PRICKLE2: variants seen among roughly 807,000 people sequenced by gnomAD.
PRICKLE2 encodes the protein prickle planar cell polarity protein 2, also known as prickle-like protein 2.
PRICKLE2 carries 21 observed loss-of-function variants against 81.4 expected under a neutral mutation model. The ratio of observed to expected loss-of-function variants is 0.26; its 90% CI spans 0.18 to 0.37. The LOEUF is 0.37. Ranked by LOEUF, PRICKLE2 falls within the 10% of genes least tolerant of loss-of-function variation. The pLI is 1.00. For missense variants in PRICKLE2, 940 were observed against 1,109.0 expected, an observed-to-expected ratio of 0.85 and a Z score of 2.16; for synonymous variants, 456 against 421.5, an observed-to-expected ratio of 1.08 and a Z score of -1.00.
intron 7 of PRICKLE2, among the ~76,000 whole-genome samples, chr3:64,127,890 G>C (rs368886244): frequency 6.6e-6 from 1 of 152,022 alleles, no homozygotes; most frequent in African/African-American, 2.4e-5. Flanking sequence ...TATCTTGAAC[G>C]TTTTCCCCTA....
intron 7 of PRICKLE2, among the ~76,000 whole-genome samples, chr3:64,126,797 C>G (rs376266993): frequency 1.3e-5 from 2 of 152,168 alleles, no homozygotes; most frequent in East Asian, 3.9e-4. Flanking sequence ...AGACTGGTCT[C>G]GAACTCCTGG....
At chr3:64,105,364 T>C (rs554733446) in intron 7 of PRICKLE2, among the ~76,000 whole-genome samples, 1 of 152,322 alleles carries the variant, frequency 6.6e-6, no homozygotes, top group South Asian at 2.1e-4. Context: ...TTCTCCCTAC[T>C]CTTCACTGTA....
intron 2 of PRICKLE2, among the ~76,000 whole-genome samples, chr3:64,235,208 A>C (rs2079162821): frequency 2.0e-5 from 3 of 152,088 alleles, no homozygotes; most frequent in Non-Finnish European, 2.9e-5. Context: ...TCAACTCAAA[A>C]TTTTCATTTT....
chr3:64,141,793 A>C, intron 7 of PRICKLE2: 10 of 985,270 alleles, frequency 1.0e-5, no homozygotes, highest in Non-Finnish European at 1.2e-5. Context: ...GAAAGATCAC[A>C]CTTCATGCCA....
intron 7 of PRICKLE2, among the ~76,000 whole-genome samples, chr3:64,106,319 C>T (rs764701444): frequency 7.9e-5 from 12 of 152,176 alleles, no homozygotes; most frequent in Non-Finnish European, 1.2e-4. Flanking sequence ...TCCAGCTCAC[C>T]GCTCACTGCC....
intron 2 of PRICKLE2, among the ~76,000 whole-genome samples, chr3:64,241,516 A>C (rs562209419): frequency 6.6e-6 from 1 of 152,300 alleles, no homozygotes; most frequent in East Asian, 1.9e-4. Context: ...ATATTTTAAC[A>C]CCTACCAGCT....
intron 1 of PRICKLE2, among the ~76,000 whole-genome samples, chr3:64,223,259 G>T (rs890966054): frequency 2.6e-5 from 4 of 152,160 alleles, no homozygotes; most frequent in Admixed American, 2.0e-4. Flanking sequence ...CTATGTGGCT[G>T]CCACTGTGCT....
intron 1 of PRICKLE2, among the ~76,000 whole-genome samples, chr3:64,224,599 C>A (rs56074768): frequency 6.6e-6 from 1 of 152,154 alleles, no homozygotes; most frequent in African/African-American, 2.4e-5. Context: ...CTGTTAGCCC[C>A]TTTCCCCATA....
In PRICKLE2 at chr3:64,260,189, C is replaced by G. The variant is rs533834059; in HGVS notation, c.129-61222G>C. Among the ~76,000 whole-genome samples the G allele has an allele frequency of 1.1e-4, 17 of 152,278 alleles. No individual in the cohort carries two copies. In the South Asian group the frequency reaches 3.5e-3, roughly 32 times the overall value. ...CCCAAACTTGACCAGCCTCAGAACT[C>G]TCTTGTGAGGCTCCCCTGGCACATT... On this transcript the variant is annotated intron_variant, in intron 2 of 8. Coordinates refer to the PRICKLE2 transcript ENST00000295902.
chr3:64,141,560 C>T (rs1014208941), intron 7 of PRICKLE2, among the ~76,000 whole-genome samples: 2 of 152,240 alleles, frequency 1.3e-5, no homozygotes, highest in Non-Finnish European at 2.9e-5. Context: ...AAAGTTAAAG[C>T]GCTTCTGCAA....
intron 1 of PRICKLE2, among the ~76,000 whole-genome samples, chr3:64,218,335 CCTGA>C (rs1364371201): frequency 6.6e-6 from 1 of 152,188 alleles, no homozygotes; most frequent in East Asian, 1.9e-4. Flanking sequence ...ATCTCAAGTA[CCTGA>C]AATATTTGTA....
At chr3:64,222,051 T>A (rs1007708427) in intron 1 of PRICKLE2, among the ~76,000 whole-genome samples, 33 of 152,310 alleles carry the variant, frequency 2.2e-4, no homozygotes, top group African/African-American at 7.0e-4. Context: ...TGCCCCCTGT[T>A]GTTCACAGAT....
chr3:64,252,297 C>T (rs2079459186), intron 2 of PRICKLE2, among the ~76,000 whole-genome samples: 3 of 152,154 alleles, frequency 2.0e-5, no homozygotes, highest in African/African-American at 7.2e-5. Context: ...GCTCCTATAC[C>T]AACTCTCCTT....
chr3:64,182,194 G>T (rs927419155), intron 2 of PRICKLE2, among the ~76,000 whole-genome samples: 2 of 152,076 alleles, frequency 1.3e-5, no homozygotes, highest in Admixed American at 6.6e-5. Flanking sequence ...CATAAAGAGG[G>T]CTTGTGGCCA....
intron 7 of PRICKLE2, among the ~76,000 whole-genome samples, chr3:64,108,330 T>C (rs931508440): frequency 7.2e-5 from 11 of 152,172 alleles, no homozygotes; most frequent in Non-Finnish European, 1.3e-4. Flanking sequence ...GTTTGAAGCA[T>C]GTGTGGCGGT....
At chr3:64,168,111 C>G (rs896605305) in intron 2 of PRICKLE2, among the ~76,000 whole-genome samples, 1 of 152,150 alleles carries the variant, frequency 6.6e-6, no homozygotes, top group African/African-American at 2.4e-5. Context: ...CCAGCTCTGG[C>G]AAGAACAAGA....
intron 7 of PRICKLE2, among the ~76,000 whole-genome samples, chr3:64,123,325 C>T (rs984269341): frequency 2.0e-5 from 3 of 152,140 alleles, no homozygotes; most frequent in African/African-American, 4.8e-5. Flanking sequence ...GAACAAGGTA[C>T]AAGTTGAGTA....
intron 7 of PRICKLE2, among the ~76,000 whole-genome samples, chr3:64,143,470 C>A (rs2077395837): frequency 6.6e-6 from 1 of 152,152 alleles, no homozygotes; most frequent in Non-Finnish European, 1.5e-5. Context: ...GAAACCGCGT[C>A]CACTCCCTCC....
intron 2 of PRICKLE2, among the ~76,000 whole-genome samples, chr3:64,187,167 C>T (rs1016850879): frequency 3.3e-5 from 5 of 152,186 alleles, no homozygotes; most frequent in African/African-American, 1.2e-4. Flanking sequence ...TGGCAGAGGC[C>T]CTGAAGCCTG....
Sources: allele counts gnomAD v4.1 joint callset (sites outside exome capture counted in the v4.1 genomes callset), GRCh38; gene constraint gnomAD v4.1.1; transcripts MANE v1.5; gene names NCBI Gene and HGNC (gene_info 2026-07-23, HGNC 2026-07-21).